AKR1C2: variants seen among roughly 807,000 people sequenced by gnomAD.
AKR1C2 encodes the protein aldo-keto reductase family 1 member C2.
Under a neutral mutation model 39.8 loss-of-function variants are expected in AKR1C2, and 27 were observed. The ratio of observed to expected loss-of-function variants is 0.68; its 90% CI spans 0.50 to 0.93. The LOEUF (loss-of-function observed/expected upper bound fraction) is 0.93. AKR1C2 is among the 40% of genes least tolerant of loss of function. The pLI, the probability that AKR1C2 is intolerant of heterozygous loss-of-function variation, is 0.00. For synonymous variants in AKR1C2, 114 were observed against 137.9 expected (o/e 0.83, Z 1.22); for missense variants, 263 against 365.1 (o/e 0.72, Z 2.28).
chr10:5,002,592 T>A (rs1837306276), intron 1 of AKR1C2, among the ~76,000 whole-genome samples: 1 of 152,180 alleles, frequency 6.6e-6, no homozygotes, highest in South Asian at 2.1e-4. Context: ...TCAGGAAACA[T>A]ATGATTGCAG....
chr10:5,003,126 T>C (rs1394863220), intron 1 of AKR1C2, among the ~76,000 whole-genome samples: 6 of 152,150 alleles, frequency 3.9e-5, no homozygotes, highest in African/African-American at 1.2e-4. Context: ...CAAGAAATTT[T>C]TCTGTTACAA....
chr10:5,017,889 G>C (rs557953368), intron 1 of AKR1C2: 1 of 152,542 alleles, frequency 6.6e-6, no homozygotes, highest in South Asian at 2.1e-4. Flanking sequence ...GGGAGGCCTC[G>C]GGAAACTTAC....
intron 7 of AKR1C2, among the ~76,000 whole-genome samples, chr10:4,994,522 G>C (rs542073429): frequency 6.6e-6 from 1 of 152,142 alleles, no homozygotes; most frequent in Non-Finnish European, 1.5e-5. Flanking sequence ...TCTGAGCCTA[G>C]ACCTAAAAAG....
chr10:5,006,572 C>T (rs1205221173), upstream of AKR1C2: 1 of 151,336 alleles, frequency 6.6e-6, no homozygotes, highest in Non-Finnish European at 1.5e-5. Context: ...CATCGCACTC[C>T]AGCTTGGGCT....
chr10:4,998,878 G>A, intron 4 of AKR1C2, 131 bp from the exon 5 acceptor site: 1 of 1,442,684 alleles, frequency 6.9e-7, no homozygotes. Context: ...TTCTTAAAAG[G>A]GAGAAAATAA....
chr10:4,990,746 A>T (rs1464658513), intron 8 of AKR1C2, among the ~76,000 whole-genome samples: 5 of 152,006 alleles, frequency 3.3e-5, no homozygotes, highest in Admixed American at 3.3e-4. Flanking sequence ...GAAGCTCGCA[A>T]GTGGTTTACT....
In AKR1C2 at chr10:5,017,128, A is replaced by G. The variant is rs1837658860; in HGVS notation, c.-88+772T>C. On this transcript the variant is annotated intron_variant, in intron 1 of 6. Coordinates refer to the AKR1C2 transcript ENST00000604507. The stretch of plus-strand genomic sequence containing the variant: ...AGGGGTTACCTTGAAGGTCTCTGAA[A>G]TACCTTGGAGGCATTTTTCCCTATT... Among the ~76,000 whole-genome samples, 4 of 152,188 alleles carry G rather than the reference A, an allele frequency of 2.6e-5. No individual in the cohort carries two copies. In the South Asian group the frequency reaches 8.3e-4, roughly 31 times the overall value.
intron 2 of AKR1C2, 139 bp from the exon 3 acceptor site, chr10:5,000,805 T>C: frequency 2.8e-6 from 2 of 705,636 alleles, no homozygotes; most frequent in South Asian, 3.7e-5. Context: ...CTTCTTGTGA[T>C]GCCTTTTGTT....
rs1837217033 is a variant in AKR1C2 at position 5,000,296 on chromosome 10, C to A, written c.369+254G>T. 2.0e-6 allele frequency: 3 copies of A among 1,483,826 alleles called. No individual in the cohort carries two copies. The East Asian group carries it at 7.4e-5, about 37-fold the overall frequency. 91.9% of individuals were successfully genotyped at this position (1,483,826 alleles called of 1,614,324 possible). On this transcript the variant is annotated intron_variant, in intron 3 of 8. Transcript: ENST00000380753. The stretch of plus-strand genomic sequence containing the variant: ...CTTGTGCCTTCAAGGAGATGATTGT[C>A]ATTTCCTCAAGTTTTTGAGGCAGAG...
chr10:4,991,591 G>T (rs1836847200), intron 8 of AKR1C2, among the ~76,000 whole-genome samples: 1 of 151,766 alleles, frequency 6.6e-6, no homozygotes, highest in Non-Finnish European at 1.5e-5. Flanking sequence ...TGGCTGCTCT[G>T]GAAAGTTCCT....
At position 4,989,476 on chromosome 10, in the gene AKR1C2, A is replaced by G. The variant is rs1347871960; in HGVS notation, c.*520T>C. The G allele has an allele frequency of 6.7e-6, 1 of 149,644 alleles. No homozygotes were observed. 9.3% of individuals were successfully genotyped at this position (149,644 alleles called of 1,614,324 possible). A position where few individuals can be genotyped will look rare whatever the true frequency, so the allele number is the denominator to read the frequency against. On this transcript the variant is annotated 3_prime_UTR_variant, in exon 9 of 9. Coordinates refer to ENST00000380753, the MANE Select transcript of AKR1C2 (RefSeq NM_001393392.1). ...GATGCCTCCTCCCAAGGCTCCAGAA[A>G]CTCTGACCCTCGCACTGCTGGAGGG...
intron 2 of AKR1C2, 126 bp from the exon 3 acceptor site, chr10:5,000,792 T>C: frequency 1.3e-6 from 1 of 774,344 alleles, no homozygotes; most frequent in Non-Finnish European, 2.2e-6. Context: ...AATTATTCTC[T>C]CTCTTCTTGT....
At chr10:5,001,393 G>A in intron 2 of AKR1C2, 121 bp downstream of exon 2, 1 of 1,502,928 alleles carries the variant, frequency 6.7e-7, no homozygotes, top group Non-Finnish European at 8.9e-7. Flanking sequence ...ATGAGTAAGT[G>A]TGAATAAATC....
chr10:5,011,599 A>G (rs1837523761), intron 1 of AKR1C2, among the ~76,000 whole-genome samples: 1 of 152,222 alleles, frequency 6.6e-6, no homozygotes, highest in Non-Finnish European at 1.5e-5. Context: ...TTTGTTTGCT[A>G]TAAGCACAGA....
chr10:5,011,318 A>T (rs2895047), intron 1 of AKR1C2, among the ~76,000 whole-genome samples: 12 of 152,170 alleles, frequency 7.9e-5, no homozygotes, highest in Non-Finnish European at 1.6e-4. Flanking sequence ...CTGGGAAATT[A>T]TTGGGTAAAT....
upstream of AKR1C2, among the ~76,000 whole-genome samples, chr10:5,007,945 T>G (rs1554774571): frequency 6.7e-6 from 1 of 150,050 alleles, no homozygotes; most frequent in Non-Finnish European, 1.5e-5. Context: ...AGCTGCAAAA[T>G]CAACTTCCTT....
At chr10:5,017,631 C>G (rs1554775452) in intron 1 of AKR1C2, among the ~76,000 whole-genome samples, 1 of 152,112 alleles carries the variant, frequency 6.6e-6, no homozygotes, top group Non-Finnish European at 1.5e-5. Context: ...AAGTCAAAAC[C>G]CTCCTTCATC....
chr10:5,005,018 CTTAT>C (rs1157935361), upstream of AKR1C2, among the ~76,000 whole-genome samples: 2 of 149,772 alleles, frequency 1.3e-5, no homozygotes, highest in African/African-American at 4.9e-5. Context: ...CTGAAATAAA[CTTAT>C]TTATTTCTGG....
At position 4,998,768 on chromosome 10, in the gene AKR1C2, G is replaced by A. The variant is rs1554773459; in HGVS notation, c.448-21C>T. ...ATGGCCTGGGAAAAAGGAATTGTGA[G>A]GTATCATTTGTGTAGTCGACTGAAG... On this transcript the variant is annotated intron_variant, in intron 4 of 8. Coordinates refer to ENST00000380753, the MANE Select transcript of AKR1C2 (RefSeq NM_001393392.1). 3 of 1,613,728 alleles carry A rather than the reference G, an allele frequency of 1.9e-6. No individual in the cohort carries two copies. In the East Asian group the frequency reaches 6.7e-5, roughly 36 times the overall value.
Sources: gnomAD v4.1 joint callset for allele counts (sites outside exome capture counted in the v4.1 genomes callset) on GRCh38, gnomAD v4.1.1 for gene constraint, MANE v1.5 for transcripts, NCBI Gene and HGNC (gene_info 2026-07-23, HGNC 2026-07-21) for gene names.